ZNF354B: variants seen among roughly 807,000 people sequenced by gnomAD.
The protein encoded by ZNF354B is zinc finger protein 354B.
A neutral mutation model predicts 12.9 loss-of-function variants in ZNF354B; 10 were observed. The observed-to-expected ratio is 0.77, with a 90% CI of 0.48 to 1.31. ZNF354B has a LOEUF of 1.31. Ranked by LOEUF, ZNF354B falls within the 40% of genes most tolerant of loss-of-function variation. The probability of loss-of-function intolerance (pLI) is 0.00; values close to 1 mark genes in which losing one functional copy is unlikely to be tolerated. For synonymous variants in ZNF354B, 260 were observed against 243.7 expected, an observed-to-expected ratio of 1.07 and a Z score of -0.62; for missense variants, 614 against 711.7, an observed-to-expected ratio of 0.86 and a Z score of 1.56.
rs554401182 is a variant in ZNF354B at position 178,865,542 on chromosome 5, C to T, written c.34-702C>T. ...TCGGCCTCCCAAAGTGCTGGGATTA[C>T]AGGCATGAGTCACTGCACCCAGCCA... On this transcript the variant is annotated intron_variant, in intron 2 of 4. Coordinates refer to ENST00000322434, the MANE Select transcript of ZNF354B (RefSeq NM_058230.3). Among the ~76,000 whole-genome samples, 6 of 152,298 alleles carry T rather than the reference C, an allele frequency of 3.9e-5. No homozygotes were observed. The South Asian group carries it at 1.2e-3, about 32-fold the overall frequency.
In ZNF354B at chr5:178,867,068, C is replaced by G. The variant is rs1204053633; in HGVS notation, c.253C>G (p.Leu85Val). 2.5e-6 allele frequency: 4 copies of G among 1,612,710 alleles called. No individual in the cohort carries two copies. In the East Asian group the frequency reaches 8.9e-5, roughly 36 times the overall value. ...GAAAGACAGTTCTGGTGTCTCCTCT[C>G]TAGGTAAGTGGGTGGCCCGAGGTGC... The part of the protein sequence containing the change: ...VEKDSSGVSS[L>V]GCKSTPKMTK... Residue 85 changes from leucine (L) to valine (V), a missense_variant, in exon 4 of 5, where the codon CTA (leucine) becomes GTA (valine). Transcript: ENST00000322434.
intron 1 of ZNF354B, among the ~76,000 whole-genome samples, chr5:178,860,334 C>G (rs1430233704): frequency 6.6e-6 from 1 of 151,918 alleles, no homozygotes; most frequent in Non-Finnish European, 1.5e-5. Flanking sequence ...CGCCGCCCGC[C>G]GTGAACGCGG....
chr5:178,862,270 T>G (rs1401193586), intron 2 of ZNF354B, among the ~76,000 whole-genome samples: 3 of 151,900 alleles, frequency 2.0e-5, no homozygotes, highest in African/African-American at 7.3e-5. Context: ...CTGAGTTCCG[T>G]CGGACCACCC....
At chr5:178,863,131 C>G (rs757464182) in intron 2 of ZNF354B, among the ~76,000 whole-genome samples, 5 of 152,134 alleles carry the variant, frequency 3.3e-5, no homozygotes, top group Non-Finnish European at 5.9e-5. Flanking sequence ...GAACAAAGAT[C>G]ATGTCTTGTA....
intron 4 of ZNF354B, among the ~76,000 whole-genome samples, chr5:178,876,877 C>G (rs1424338559): frequency 6.8e-6 from 1 of 147,368 alleles, no homozygotes; most frequent in Non-Finnish European, 1.5e-5. Context: ...TAGATGTTTT[C>G]TATTTATTTT....
intron 2 of ZNF354B, among the ~76,000 whole-genome samples, chr5:178,864,079 T>C (rs1270311320): frequency 6.6e-6 from 1 of 152,150 alleles, no homozygotes; most frequent in Non-Finnish European, 1.5e-5. Flanking sequence ...AAAATAAATT[T>C]AGTGTAGCCT....
chr5:178,880,446 C>T (rs1757700981), intron 4 of ZNF354B, among the ~76,000 whole-genome samples: 2 of 151,796 alleles, frequency 1.3e-5, no homozygotes. Flanking sequence ...GATCTGCCCA[C>T]CTCAGCCTCC....
Position 178,867,000 on chromosome 5 carries a change from T to G in ZNF354B, c.185T>G (p.Val62Gly), listed in dbSNP as rs1252499544. 1.9e-6 allele frequency: 3 copies of G among 1,613,906 alleles called. No homozygotes were observed. The highest frequency in any genetic ancestry group is 2.5e-6 in the Non-Finnish European group (3 of 1,179,954). The change falls in exon 4 of 5, where the codon GTC (valine) becomes GGC (glycine). Residue 62 changes from valine (V) to glycine (G), a missense_variant. Val to Gly is a moderately radical substitution (Grantham distance 109). Coordinates refer to ENST00000322434, the MANE Select transcript of ZNF354B (RefSeq NM_058230.3). ...SLGLSFTKPK[V>G]ISLLQQGEDP... Reference sequence around the variant, plus strand: ...GGACTCTCATTTACCAAACCAAAAGTCATCTCCCTGTTGCAGCAAGGAGAA... The same window carrying G: ...GGACTCTCATTTACCAAACCAAAAGGCATCTCCCTGTTGCAGCAAGGAGAA...
At chr5:178,863,060 A>G (rs1757385693) in intron 2 of ZNF354B, among the ~76,000 whole-genome samples, 1 of 152,184 alleles carries the variant, frequency 6.6e-6, no homozygotes, top group Non-Finnish European at 1.5e-5. Context: ...ATGCAGATAC[A>G]CAGTGGTTCA....
chr5:178,874,312 AC>A (rs948274060), intron 4 of ZNF354B, among the ~76,000 whole-genome samples: 2 of 152,160 alleles, frequency 1.3e-5, no homozygotes, highest in Non-Finnish European at 2.9e-5. Flanking sequence ...GTTTTCATGG[AC>A]AATAGTATCC....
chr5:178,863,599 A>T (rs967260411), intron 2 of ZNF354B, among the ~76,000 whole-genome samples: 1 of 152,178 alleles, frequency 6.6e-6, no homozygotes, highest in South Asian at 2.1e-4. Context: ...TTATATATTT[A>T]TTGTACTATT....
chr5:178,865,126 A>C (rs1008894410), intron 2 of ZNF354B, among the ~76,000 whole-genome samples: 1 of 152,182 alleles, frequency 6.6e-6, no homozygotes, highest in East Asian at 1.9e-4. Context: ...TTTTAAGTGC[A>C]TTGTGCAGAT....
Position 178,867,028 on chromosome 5 carries a change from T to C in ZNF354B, c.213T>C (p.Asp71=). The C allele has an allele frequency of 6.2e-7, 1 of 1,613,892 alleles. No homozygotes were observed. Among genetic ancestry groups the C allele is most frequent in the Non-Finnish European group, 8.5e-7 (1 of 1,179,952 alleles). ...KVISLLQQGE[D]PWEVEKDSSG... ...TCTCCCTGTTGCAGCAAGGAGAAGA[T>C]CCCTGGGAGGTGGAGAAAGACAGTT... Residue 71 remains aspartate (D), a synonymous_variant, in exon 4 of 5, where the codon GAT becomes GAC. Coordinates refer to ENST00000322434, the MANE Select transcript of ZNF354B (RefSeq NM_058230.3).
chr5:178,862,067 C>A (rs1197901321), intron 2 of ZNF354B, among the ~76,000 whole-genome samples: 1 of 152,100 alleles, frequency 6.6e-6, no homozygotes, highest in African/African-American at 2.4e-5. Flanking sequence ...ACGATGTTAT[C>A]CTTTATTCAT....
intron 4 of ZNF354B, among the ~76,000 whole-genome samples, chr5:178,881,758 C>T (rs1198518097): frequency 6.6e-6 from 1 of 152,156 alleles, no homozygotes; most frequent in East Asian, 1.9e-4. Flanking sequence ...ATTCTCCTGC[C>T]TCTGCCTCCC....
At chr5:178,879,511 C>T (rs1278185193) in intron 4 of ZNF354B, among the ~76,000 whole-genome samples, 1 of 152,082 alleles carries the variant, frequency 6.6e-6, no homozygotes, top group East Asian at 1.9e-4. Context: ...TCCTGAGTAG[C>T]TGGGATTACA....
At chr5:178,863,467 C>T (rs1216916852) in intron 2 of ZNF354B, among the ~76,000 whole-genome samples, 2 of 152,140 alleles carry the variant, frequency 1.3e-5, no homozygotes, top group Non-Finnish European at 2.9e-5. Flanking sequence ...GGCTTTGCTC[C>T]TGTTTTGTGG....
At chr5:178,862,427 C>T (rs926260703) in intron 2 of ZNF354B, among the ~76,000 whole-genome samples, 2 of 140,492 alleles carry the variant, frequency 1.4e-5, no homozygotes, top group African/African-American at 2.7e-5. Context: ...AGTGCAGTGG[C>T]GCGATCTCGG....
rs572589184 is a variant in ZNF354B, at chr5:178,861,214, T to C, written c.33+134T>C. The C allele has an allele frequency of 2.5e-4, 294 of 1,156,842 alleles. No individual in the cohort carries two copies. In the African/African-American group the frequency reaches 4.2e-3, roughly 17 times the overall value. 71.7% of individuals were successfully genotyped at this position (1,156,842 alleles called of 1,614,324 possible). ...GGAGGAGCTGGTCCGCCCTCATGAC[T>C]GGTGGATTCTGTAGGGAGGACCACC... On this transcript the variant is annotated intron_variant, in intron 2 of 4. Transcript: ENST00000322434.
Sources: allele counts gnomAD v4.1 joint callset (sites outside exome capture counted in the v4.1 genomes callset), GRCh38; gene constraint gnomAD v4.1.1; transcripts MANE v1.5; gene names NCBI Gene and HGNC (gene_info 2026-07-23, HGNC 2026-07-21).